IRF1: variants seen among roughly 807,000 people sequenced by gnomAD.
IRF1 encodes the protein interferon regulatory factor-1.
IRF1 carries 13 observed loss-of-function variants against 43.7 expected under a neutral mutation model. That is an observed-to-expected ratio of 0.30 (90% CI 0.19 to 0.47). The LOEUF (loss-of-function observed/expected upper bound fraction) is 0.47. Among genes scored for constraint, IRF1 ranks in the 20% least tolerant of loss-of-function variants. The probability of loss-of-function intolerance (pLI) is 0.99; values close to 1 mark genes in which losing one functional copy is unlikely to be tolerated. For synonymous variants in IRF1, 138 were observed against 146.8 expected (o/e 0.94, Z 0.43); for missense variants, 236 against 408.9 (o/e 0.58, Z 3.65).
rs149276593 is a variant in IRF1, at chr5:132,486,994, C to T, written c.324G>A (p.Val108=). ...SRNKGSSAVR[V]YRMLPPLTKN... ...TGGTGAGAGGTGGAAGCATCCGGTA[C>T]ACTCGCACAGCTGAGCTGCCCTTGT... Residue 108 remains valine (V), a synonymous_variant, in exon 4 of 10, where the codon GTG becomes GTA. Coordinates refer to ENST00000245414, the MANE Select transcript of IRF1 (RefSeq NM_002198.3). The T allele has an allele frequency of 1.2e-6, 2 of 1,614,200 alleles. No individual in the cohort carries two copies. The highest frequency in any genetic ancestry group is 1.7e-6 in the Non-Finnish European group (2 of 1,180,034).
chr5:132,486,589 T>C lies in IRF1; in HGVS notation c.512A>G (p.Gln171Arg). The C allele has an allele frequency of 8.7e-6, 14 of 1,614,136 alleles. No individual in the cohort carries two copies. The highest frequency in any genetic ancestry group is 9.3e-6 in the Non-Finnish European group (11 of 1,180,010). ...HSSYTVPGYM[Q>R]DLEVEQALTP... is the part of the protein sequence containing the mutation. ...CAGGGCCTGCTCCACCTCCAAGTCC[T>C]GCATGTAGCCTGGAACTGTGTAGCT... is the stretch of plus-strand genomic sequence containing the variant. Residue 171 changes from glutamine to arginine, a missense_variant, in exon 6 of 10, where the codon CAG becomes CGG. Gln to Arg is a conservative substitution (Grantham distance 43). This residue lies in a region of IRF1 where 170 missense variants were observed against 251.8 expected (regional missense o/e 0.68). Transcript: ENST00000245414.
intron 3 of IRF1, 158 bp from the exon 4 acceptor site, chr5:132,487,288 G>T: frequency 2.8e-6 from 2 of 723,580 alleles, no homozygotes; most frequent in South Asian, 3.4e-5. Flanking sequence ...CACTCTGCAG[G>T]TCCTAGGCCC....
In IRF1 at chr5:132,490,409, G is replaced by C. The variant is rs1161612121; in HGVS notation, c.-6+136C>G. On this transcript the variant is annotated intron_variant, in intron 1 of 9. Transcript: ENST00000245414. This position sits in a 1 kb window ranked among gnomAD's most constrained non-coding sequence, Gnocchi z 5.8. ...CTCGCAGCTCCTCCGGCGCCCCCCG[G>C]AGCCCGCGCGGAGGCCCGGGCAACG... 2 of 149,802 alleles carry C rather than the reference G, an allele frequency of 1.3e-5. No homozygotes were observed. Among genetic ancestry groups the C allele is most frequent in the East Asian group, 2.0e-4 (1 of 5,120 alleles). 9.3% of individuals were successfully genotyped at this position (149,802 alleles called of 1,614,324 possible). A position where few individuals can be genotyped will look rare whatever the true frequency, so the allele number is the denominator to read the frequency against.
At chr5:132,489,544 C>T (rs1754644173) in intron 1 of IRF1, 61 bp from the exon 2 acceptor site, 2 of 1,365,944 alleles carry the variant, frequency 1.5e-6, no homozygotes, top group African/African-American at 1.4e-5. Flanking sequence ...GGGCAGTGAC[C>T]TGCCCCACCC....
At chr5:132,488,126 G>C (rs1561605309) in intron 2 of IRF1, 101 bp from the exon 3 acceptor site, 2 of 864,248 alleles carry the variant, frequency 2.3e-6, no homozygotes, top group Non-Finnish European at 3.8e-6. Flanking sequence ...ACAGGTCTGA[G>C]AAAAGGCTGA....
Position 132,487,145 on chromosome 5 carries a change from A to G in IRF1, c.188-15T>C, listed in dbSNP as rs1209842388. On this transcript the variant is annotated splice_polypyrimidine_tract_variant and intron_variant, in intron 3 of 9. Transcript: ENST00000245414. ...TTTGTATCGGCCTAGAGGGCAGGAGAAAAAAGAGGATCGTCAGGGCCATGG... is the reference window on the plus strand; with the variant it reads ...TTTGTATCGGCCTAGAGGGCAGGAGGAAAAAGAGGATCGTCAGGGCCATGG... The G allele has an allele frequency of 7.4e-6, 12 of 1,611,466 alleles. No homozygotes were observed. Among genetic ancestry groups the G allele is most frequent in the Non-Finnish European group, 8.5e-6 (10 of 1,177,848 alleles).
intron 3 of IRF1, 95 bp downstream of exon 3, chr5:132,487,831 A>C: frequency 1.3e-6 from 1 of 771,780 alleles, no homozygotes; most frequent in South Asian, 1.5e-5. Flanking sequence ...TGTCTCAGGG[A>C]GCTCAGGGAC....
At chr5:132,485,816 CTCTG>C (rs1349414080) in intron 7 of IRF1, 100 bp from the exon 8 acceptor site, 8 of 770,638 alleles carry the variant, frequency 1.0e-5, no homozygotes, top group South Asian at 7.2e-5. Context: ...TTCTCTGTCT[CTCTG>C]TCTCTCTGAC....
chr5:132,487,223 A>C, intron 3 of IRF1, 93 bp from the exon 4 acceptor site: 1 of 1,265,140 alleles, frequency 7.9e-7, no homozygotes, highest in Non-Finnish European at 1.1e-6. Flanking sequence ...GGTACCCCTG[A>C]CCTCTTATGC....
rs950801236 is a variant in IRF1, at chr5:132,483,812, G to C, written c.*139C>G. On this transcript the variant is annotated 3_prime_UTR_variant, in exon 10 of 10. Transcript: ENST00000245414. ...CCCTGAGAGGTCAATGACCCAAGGA[G>C]GGAGGCCCCATCCCCACTTGGCAGT... 5.6e-6 allele frequency: 6 copies of C among 1,071,258 alleles called. No individual in the cohort carries two copies. The African/African-American group carries it at 8.0e-5, about 14-fold the overall frequency. The allele number at this position is 1,071,258 out of a possible 1,614,324, so 66.4% of individuals were successfully genotyped here.
chr5:132,486,125 G>T (rs545097507), intron 7 of IRF1, 126 bp downstream of exon 7: 1 of 1,330,820 alleles, frequency 7.5e-7, no homozygotes, highest in Non-Finnish European at 1.0e-6. Flanking sequence ...TGGTGGCTAA[G>T]ACTGGGCAAT....
chr5:132,489,838 T>C (rs1212200773), intron 1 of IRF1, among the ~76,000 whole-genome samples: 1 of 152,222 alleles, frequency 6.6e-6, no homozygotes, highest in Admixed American at 6.5e-5. Context: ...AGGGAGGGAC[T>C]TCTTTTGCTT....
intron 6 of IRF1, 64 bp downstream of exon 6, chr5:132,486,493 C>T: frequency 6.2e-7 from 1 of 1,612,506 alleles, no homozygotes; most frequent in African/African-American, 1.3e-5. Flanking sequence ...CAGCACCATG[C>T]CTCCAAGAGA....
intron 8 of IRF1, 163 bp from the exon 9 acceptor site, chr5:132,484,660 CGG>C: frequency 2.5e-6 from 2 of 806,862 alleles, no homozygotes; most frequent in Non-Finnish European, 3.9e-6. Flanking sequence ...GACAAGGGCC[CGG>C]GAGGGAGGAG....
Position 132,483,737 on chromosome 5 carries a change from G to T in IRF1, c.*214C>A. On this transcript the variant is annotated 3_prime_UTR_variant, in exon 10 of 10. Transcript: ENST00000245414. ...TCTCAGAACCTCATCTTCCCAGGAG[G>T]CAGGGCCAGCTTTACACCACAAGAA... The T allele has an allele frequency of 1.8e-6, 1 of 543,860 alleles. No homozygotes were observed. The allele number at this position is 543,860 out of a possible 1,614,324, so 33.7% of individuals were successfully genotyped here. A position where few individuals can be genotyped will look rare whatever the true frequency, so the allele number is the denominator to read the frequency against.
At position 132,483,959 on chromosome 5, in the gene IRF1, C is replaced by A. The variant is rs749726874; in HGVS notation, c.970G>T (p.Ala324Ser). 1.2e-6 allele frequency: 2 copies of A among 1,613,336 alleles called. No homozygotes were observed. Among genetic ancestry groups the A allele is most frequent in the Admixed American group, 3.3e-5 (2 of 60,020 alleles). The change falls in exon 10 of 10, where the codon GCA (alanine) becomes TCA (serine). Residue 324 changes from alanine (A) to serine (S), a missense_variant. Transcript: ENST00000245414. Reference sequence around the variant, plus strand: ...GGGGCCCAGGGGCCCTGCTACGGTGCACAGGGAATGGCCTGGATGGAGGGC... The same window carrying A: ...GGGGCCCAGGGGCCCTGCTACGGTGAACAGGGAATGGCCTGGATGGAGGGC... ...RLPSIQAIPC[A>S]P
At position 132,485,688 on chromosome 5, in the gene IRF1, T is replaced by C. The variant is rs1561603632; in HGVS notation, c.696A>G (p.Lys232=). 1.2e-6 allele frequency: 2 copies of C among 1,613,264 alleles called. No homozygotes were observed. Among genetic ancestry groups the C allele is most frequent in the East Asian group, 2.2e-5 (1 of 44,880 alleles). The change falls in exon 8 of 10, where the codon AAA becomes AAG. Residue 232 remains lysine (K), a synonymous_variant. Transcript: ENST00000245414. ...EATTDEDEEG[K]LPEDIMKLLE... Reference sequence around the variant, plus strand: ...TTACCTTCATGATGTCCTCAGGTAATTTCCCTTCCTCATCCTCATCTGTTG... The same window carrying C: ...TTACCTTCATGATGTCCTCAGGTAACTTCCCTTCCTCATCCTCATCTGTTG...
intron 8 of IRF1, chr5:132,485,442 G>C (rs1754495660): frequency 3.5e-6 from 2 of 576,730 alleles, no homozygotes; most frequent in Non-Finnish European, 6.4e-6. Context: ...ATGCCCCAAG[G>C]CTTGCTTCAG....
Position 132,486,367 on chromosome 5 carries a change from G to A in IRF1, c.551C>T (p.Ser184Leu), listed in dbSNP as rs779586502. ...GAGAGTGCTGCTGACAGCACATGGC[G>A]ACAGTGCTGGGGAACAGCAGAAGCC... ...EVEQALTPALSPCAVSSTLPD... is the reference protein window; with the variant it reads ...EVEQALTPALLPCAVSSTLPD... The change falls in exon 7 of 10, where the codon TCG becomes TTG. Residue 184 changes from serine (S) to leucine (L), a missense_variant. By Grantham distance (145) the Ser-to-Leu change is moderately radical. This residue lies in a region of IRF1 where 170 missense variants were observed against 251.8 expected (regional missense o/e 0.68). Transcript: ENST00000245414. 8.1e-6 allele frequency: 13 copies of A among 1,611,670 alleles called. No homozygotes were observed. The highest frequency in any genetic ancestry group is 1.1e-5 in the South Asian group (1 of 91,050).
Sources: gnomAD v4.1 joint callset for allele counts (sites outside exome capture counted in the v4.1 genomes callset) on GRCh38, gnomAD v4.1.1 for gene constraint, gnomAD v4.1.1 regional missense constraint, Gnocchi (gnomAD v3.1) non-coding constraint, MANE v1.5 for transcripts, NCBI Gene and HGNC (gene_info 2026-07-23, HGNC 2026-07-21) for gene names.